SMIM26: variants seen among roughly 807,000 people sequenced by gnomAD.
SMIM26 encodes the protein long intergenic non-protein coding RNA 493.
SMIM26 carries 2 observed loss-of-function variants against 2.5 expected under a neutral mutation model. That is an observed-to-expected ratio of 0.80 (90% CI 0.33 to 2.53). The LOEUF is 2.53. Ranked by LOEUF, SMIM26 falls within the 30% of genes most tolerant of loss-of-function variation. SMIM26 has a pLI of 0.11. For missense variants in SMIM26, 77 were observed against 46.1 expected (o/e 1.67, Z -1.94); for synonymous variants, 32 against 17.8 (o/e 1.80, Z -2.01).
In SMIM26 at chr20:18,569,033, C is replaced by A. The variant is rs2060523321; in HGVS notation, c.119-203C>A. On this transcript the variant is annotated intron_variant, in intron 1 of 1. Transcript: ENST00000411646. ...TCAGGTGGTCCACCTGCCTCGGCCCCCACAAAGTGAGATTGGGATTACAGG... is the reference window on the plus strand; with the variant it reads ...TCAGGTGGTCCACCTGCCTCGGCCCACACAAAGTGAGATTGGGATTACAGG... The A allele has an allele frequency of 6.7e-5, 31 of 464,836 alleles. 2 individuals carry two copies. The South Asian group carries it at 1.0e-3, about 15-fold the overall frequency. 28.8% of individuals were successfully genotyped at this position (464,836 alleles called of 1,614,324 possible). A position where few individuals can be genotyped will look rare whatever the true frequency, so the allele number is the denominator to read the frequency against.
chr20:18,569,107 C>T, intron 1 of SMIM26, 129 bp from the exon 2 acceptor site: 1 of 564,294 alleles, frequency 1.8e-6, no homozygotes, highest in Non-Finnish European at 3.1e-6. Flanking sequence ...TTCATTCCTT[C>T]CTTCATTATT....
intron 1 of SMIM26, chr20:18,569,004 G>C: frequency 2.4e-6 from 1 of 411,300 alleles, no homozygotes; most frequent in Non-Finnish European, 4.3e-6. Context: ...TCAAACACCT[G>C]ACCTCAGGTG....
At chr20:18,569,152 G>A in intron 1 of SMIM26, 84 bp from the exon 2 acceptor site, 1 of 606,616 alleles carries the variant, frequency 1.6e-6, no homozygotes, top group Non-Finnish European at 2.9e-6. Context: ...TCTTACCTTA[G>A]TTAATTTCTA....
At position 18,569,183 on chromosome 20, in the gene SMIM26, T is replaced by C. The variant is rs573367363; in HGVS notation, c.119-53T>C. 26 of 629,468 alleles carry C rather than the reference T, an allele frequency of 4.1e-5. No homozygotes were observed. The East Asian group carries it at 7.1e-4, about 17-fold the overall frequency. The allele number at this position is 629,468 out of a possible 1,614,324, so 39.0% of individuals were successfully genotyped here. The stretch of plus-strand genomic sequence containing the variant: ...TTCTAAGACTTTAATGACTGCTTTC[T>C]AAGTTAATAATTCAGGTGTTCTTTT... On this transcript the variant is annotated intron_variant, in intron 1 of 1. Transcript: ENST00000411646.
In SMIM26 at chr20:18,569,367, T is replaced by A. The variant is rs1213971555; in HGVS notation, c.250T>A (p.Trp84Arg). Reference sequence around the variant, plus strand: ...AAATACAGAAAAGATCCTCAACTATTGGAAATCATGGACTGGTGGCCCTGG... The same window carrying A: ...AAATACAGAAAAGATCCTCAACTATAGGAAATCATGGACTGGTGGCCCTGG... ...VPNTEKILNYWKSWTGGPGTE... is the reference protein window; with the variant it reads ...VPNTEKILNYRKSWTGGPGTE... The change falls in exon 2 of 2, where the codon TGG (tryptophan) becomes AGG (arginine). Residue 84 changes from tryptophan to arginine, a missense_variant. By Grantham distance (101) the Trp-to-Arg change is moderately radical. Transcript: ENST00000411646. 1.4e-6 allele frequency: 1 copy of A among 702,910 alleles called. No individual in the cohort carries two copies. The highest frequency in any genetic ancestry group is 2.6e-6 in the Non-Finnish European group (1 of 384,974). The allele number at this position is 702,910 out of a possible 1,614,324, so 43.5% of individuals were successfully genotyped here.
chr20:18,568,439 C>T (rs1008880719), intron 1 of SMIM26, among the ~76,000 whole-genome samples: 141 of 151,862 alleles, frequency 9.3e-4, no homozygotes, highest in African/African-American at 3.3e-3. Flanking sequence ...CCCAGGGGTT[C>T]GGGACCAGCC....
At position 18,569,440 on chromosome 20, in the gene SMIM26, C is replaced by A; in HGVS notation, c.*35C>A. The A allele has an allele frequency of 1.4e-6, 1 of 702,626 alleles. No individual in the cohort carries two copies. Among genetic ancestry groups the A allele is most frequent in the South Asian group, 1.5e-5 (1 of 67,558 alleles). 43.5% of individuals were successfully genotyped at this position (702,626 alleles called of 1,614,324 possible). ...GAATTCTGAAAACCAGGACTTGGTTCAACATTTAAATTTGATAGTTGCCCT... is the reference window on the plus strand; with the variant it reads ...GAATTCTGAAAACCAGGACTTGGTTAAACATTTAAATTTGATAGTTGCCCT... On this transcript the variant is annotated 3_prime_UTR_variant, in exon 2 of 2. Coordinates refer to ENST00000411646, the MANE Select transcript of SMIM26 (RefSeq NM_001348957.2).
In SMIM26 at chr20:18,569,204, C is replaced by CTT. The variant is rs11475239; in HGVS notation, c.119-20_119-19dup. The CTT allele has an allele frequency of 5.2e-3, 3,020 of 580,366 alleles. 1 individual carries two copies. Among genetic ancestry groups the CTT allele is most frequent in the East Asian group, 0.016 (540 of 33,510 alleles). The allele number at this position is 580,366 out of a possible 1,614,324, so 36.0% of individuals were successfully genotyped here. On this transcript the variant is annotated intron_variant, in intron 1 of 1. Transcript: ENST00000411646. ...TTTCTAAGTTAATAATTCAGGTGTTCTTTTTTTTTTTTTCTCTTAATGGTG... is the reference window on the plus strand; with the variant it reads ...TTTCTAAGTTAATAATTCAGGTGTTCTTTTTTTTTTTTTTTCTCTTAATGGTG...
intron 1 of SMIM26, 137 bp from the exon 2 acceptor site, chr20:18,569,099 C>T (rs1412439426): frequency 1.8e-6 from 1 of 560,852 alleles, no homozygotes; most frequent in East Asian, 2.8e-5. Context: ...CCTTCCTTTT[C>T]ATTCCTTCCT....
At chr20:18,567,745 T>A (rs779077996) in intron 1 of SMIM26, 149 bp downstream of exon 1, 31 of 621,350 alleles carry the variant, frequency 5.0e-5, no homozygotes, top group Non-Finnish European at 8.7e-5. Context: ...TTTGTTATAA[T>A]GGAATCTGCA....
intron 1 of SMIM26, among the ~76,000 whole-genome samples, chr20:18,567,967 T>C (rs1434613924): frequency 6.6e-6 from 1 of 152,216 alleles, no homozygotes; most frequent in Non-Finnish European, 1.5e-5. Flanking sequence ...TTCAGTACTT[T>C]TAGCAGCCAA....
At chr20:18,567,661 A>G in intron 1 of SMIM26, 65 bp downstream of exon 1, 1 of 695,890 alleles carries the variant, frequency 1.4e-6, no homozygotes, top group South Asian at 1.5e-5. Flanking sequence ...CCCGGGGGTC[A>G]TGGAAACAAC....
At chr20:18,569,574 CTTT>C (rs71194252), downstream of SMIM26, 8,811 of 375,358 alleles carry the variant, frequency 0.023, no homozygotes, top group Middle Eastern at 0.033. Flanking sequence ...TCTGCGTTTT[CTTT>C]TTTTTTTTTT....
At chr20:18,568,201 A>G (rs990824135) in intron 1 of SMIM26, among the ~76,000 whole-genome samples, 9 of 152,242 alleles carry the variant, frequency 5.9e-5, no homozygotes, top group South Asian at 2.1e-4. Flanking sequence ...GAATATACTA[A>G]AAACATTAAA....
chr20:18,567,575 C>G lies in SMIM26; in HGVS notation c.97C>G (p.Arg33Gly), dbSNP rs1239650513. Residue 33 changes from arginine (R) to glycine (G), a missense_variant, in exon 1 of 2, where the codon CGG becomes GGG. Transcript: ENST00000411646. ...GTTGGGCTCACTGCTTTACTATAGC[C>G]GGACAATGGCGAAGTCGTCAGGTAG... The part of the protein sequence containing the change: ...SVLGSLLYYS[R>G]TMAKSSVDQK... The G allele has an allele frequency of 5.7e-6, 4 of 702,924 alleles. No individual in the cohort carries two copies. The highest frequency in any genetic ancestry group is 1.0e-5 in the Non-Finnish European group (4 of 385,006). 43.5% of individuals were successfully genotyped at this position (702,924 alleles called of 1,614,324 possible). A position where few individuals can be genotyped will look rare whatever the true frequency, so the allele number is the denominator to read the frequency against.
chr20:18,567,477 C>A lies in SMIM26; in HGVS notation c.-2C>A. ...AGAATCGAGGCACTCGCTGGCGTAC[C>A]CATGTATCGAAATGAGTTCACGGCC... On this transcript the variant is annotated 5_prime_UTR_variant, in exon 1 of 2. Coordinates refer to ENST00000411646, the MANE Select transcript of SMIM26 (RefSeq NM_001348957.2). The A allele has an allele frequency of 2.8e-6, 2 of 703,066 alleles. No homozygotes were observed. The highest frequency in any genetic ancestry group is 2.0e-5 in the Admixed American group (1 of 50,022). 43.6% of individuals were successfully genotyped at this position (703,066 alleles called of 1,614,324 possible). A position where few individuals can be genotyped will look rare whatever the true frequency, so the allele number is the denominator to read the frequency against.
chr20:18,568,753 C>T (rs1339921284), intron 1 of SMIM26: 1 of 152,496 alleles, frequency 6.6e-6, no homozygotes, highest in East Asian at 1.9e-4. Context: ...GGATTGCAGG[C>T]GCAGGCCACT....
In SMIM26 at chr20:18,569,289, C is replaced by A; in HGVS notation, c.172C>A (p.Pro58Thr). 1 of 702,568 alleles carries A rather than the reference C, an allele frequency of 1.4e-6. No individual in the cohort carries two copies. Among genetic ancestry groups the A allele is most frequent in the Non-Finnish European group, 2.6e-6 (1 of 384,936 alleles). The allele number at this position is 702,568 out of a possible 1,614,324, so 43.5% of individuals were successfully genotyped here. ...AGTACCCAGTGAACTCTCTGAACGC[C>A]CAAAAGGATTTTATGTGGAAACAGT... is the stretch of plus-strand genomic sequence containing the variant. Reference protein sequence around the residue: ...SEVPSELSERPKGFYVETVVT... With the variant: ...SEVPSELSERTKGFYVETVVT... The change falls in exon 2 of 2, where the codon CCA becomes ACA. Residue 58 changes from proline to threonine, a missense_variant. Physicochemically the swap from Pro to Thr is conservative, Grantham distance 38 (BLOSUM62 -1). Transcript: ENST00000411646.
Position 18,569,467 on chromosome 20 carries a change from A to G in SMIM26, c.*62A>G. Reference sequence around the variant, plus strand: ...ACATTTAAATTTGATAGTTGCCCTGATTCCCATTTTGGGTTTGTGAAAAGT... The same window carrying G: ...ACATTTAAATTTGATAGTTGCCCTGGTTCCCATTTTGGGTTTGTGAAAAGT... On this transcript the variant is annotated 3_prime_UTR_variant, in exon 2 of 2. Transcript: ENST00000411646. 1 of 701,816 alleles carries G rather than the reference A, an allele frequency of 1.4e-6. No homozygotes were observed. The allele number at this position is 701,816 out of a possible 1,614,324, so 43.5% of individuals were successfully genotyped here. A position where few individuals can be genotyped will look rare whatever the true frequency, so the allele number is the denominator to read the frequency against.
Sources: gnomAD v4.1 joint callset for allele counts (sites outside exome capture counted in the v4.1 genomes callset) on GRCh38, gnomAD v4.1.1 for gene constraint, MANE v1.5 for transcripts, NCBI Gene and HGNC (gene_info 2026-07-23, HGNC 2026-07-21) for gene names.